Variants in PDE12 observed in about 807,000 individuals in gnomAD.
PDE12 encodes 2',5'-phosphodiesterase 12.
A neutral mutation model predicts 45.4 loss-of-function variants in PDE12; 26 were observed. The observed-to-expected ratio is 0.57, with a 90% CI of 0.42 to 0.79. The LOEUF (loss-of-function observed/expected upper bound fraction) is 0.79. Ranked by LOEUF, PDE12 falls within the 30% of genes least tolerant of loss-of-function variation. The probability of loss-of-function intolerance (pLI) is 0.00; values close to 1 mark genes in which losing one functional copy is unlikely to be tolerated. For synonymous variants in PDE12, 283 were observed against 323.9 expected (o/e 0.87, Z 1.36); for missense variants, 668 against 790.0 (o/e 0.85, Z 1.85).
the PDE12 span, among the ~76,000 whole-genome samples, chr3:57,651,598 C>T: frequency 1.2e-4 from 18 of 151,628 alleles, no homozygotes; most frequent in African/African-American, 4.4e-4. Context: ...GGTTGCACAA[C>T]TTTGTGAATA....
the PDE12 span, among the ~76,000 whole-genome samples, chr3:57,610,767 T>G: frequency 1.3e-5 from 2 of 152,164 alleles, no homozygotes; most frequent in Non-Finnish European, 2.9e-5. Flanking sequence ...CATTCCATGC[T>G]TATGGATAGG....
the PDE12 span, among the ~76,000 whole-genome samples, chr3:57,644,894 G>T: frequency 6.7e-6 from 1 of 148,870 alleles, no homozygotes; most frequent in Non-Finnish European, 1.5e-5. Context: ...GGGTATTGAT[G>T]ATCTGGCAAG....
chr3:57,580,931 T>C, the PDE12 span, among the ~76,000 whole-genome samples: 3 of 152,102 alleles, frequency 2.0e-5, no homozygotes, highest in African/African-American at 7.2e-5. Context: ...AAAATGCAAA[T>C]AATGCTATCA....
the PDE12 span, chr3:57,626,380 A>G: frequency 6.6e-6 from 1 of 152,244 alleles, no homozygotes; most frequent in Non-Finnish European, 1.5e-5. Context: ...AGACACAGCT[A>G]TTAACCACAT....
chr3:57,574,776 T>C, the PDE12 span, among the ~76,000 whole-genome samples: 1 of 152,042 alleles, frequency 6.6e-6, no homozygotes, highest in Non-Finnish European at 1.5e-5. Flanking sequence ...AGCGCTTTGG[T>C]AGGCTGAGAT....
At chr3:57,610,098 G>A in the PDE12 span, among the ~76,000 whole-genome samples, 3 of 152,062 alleles carry the variant, frequency 2.0e-5, no homozygotes, top group Non-Finnish European at 4.4e-5. Context: ...ATCAGTAAAC[G>A]TAATCCAGCA....
At chr3:57,611,730 A>G in the PDE12 span, among the ~76,000 whole-genome samples, 3 of 152,206 alleles carry the variant, frequency 2.0e-5, no homozygotes, top group Non-Finnish European at 4.4e-5. Flanking sequence ...AAACGTCAGG[A>G]AACAACAGGT....
At chr3:57,597,870 G>C in the PDE12 span, 1 of 152,272 alleles carries the variant, frequency 6.6e-6, no homozygotes, top group South Asian at 2.1e-4. Context: ...ATGAAGACCG[G>C]TCCGGTCTTT....
At chr3:57,641,070 T>C in the PDE12 span, among the ~76,000 whole-genome samples, 1 of 150,880 alleles carries the variant, frequency 6.6e-6, no homozygotes, top group East Asian at 1.9e-4. Flanking sequence ...ATTCTAGTTT[T>C]CTATAAGGTT....
chr3:57,595,591 T>G, the PDE12 span, among the ~76,000 whole-genome samples: 5 of 152,354 alleles, frequency 3.3e-5, no homozygotes, highest in Admixed American at 1.3e-4. Context: ...ACTGTTACTC[T>G]TTATATACCT....
the PDE12 span, among the ~76,000 whole-genome samples, chr3:57,592,621 AT>A: frequency 6.6e-6 from 1 of 152,200 alleles, no homozygotes; most frequent in Non-Finnish European, 1.5e-5. Flanking sequence ...TTATCAGTTA[AT>A]TAGCAGCAAA....
At chr3:57,570,219 G>GTTTTTTTTTTTTTTTTGTTTTTTTT (rs2069824322), downstream of PDE12, among the ~76,000 whole-genome samples, 1 of 102,314 alleles carries the variant, frequency 9.8e-6, no homozygotes, top group African/African-American at 3.9e-5. Flanking sequence ...TTAATCCAGT[G>GTTTTTTTTTTTTTTTTGTTTTTTTT]TTTTTTTTTT....
the PDE12 span, chr3:57,634,641 A>G: frequency 6.7e-7 from 1 of 1,491,424 alleles, no homozygotes; most frequent in Non-Finnish European, 9.0e-7. Flanking sequence ...AAAGAAAAGA[A>G]GGTAAACAAA....
chr3:57,638,065 C>T, the PDE12 span, among the ~76,000 whole-genome samples: 4 of 151,670 alleles, frequency 2.6e-5, no homozygotes, highest in South Asian at 2.1e-4. Flanking sequence ...ACCCAGGAGG[C>T]GAAGGTTGCA....
At chr3:57,639,399 T>C in the PDE12 span, among the ~76,000 whole-genome samples, 4 of 152,196 alleles carry the variant, frequency 2.6e-5, no homozygotes, top group Non-Finnish European at 5.9e-5. Flanking sequence ...TACCAATGAT[T>C]TTGTGCAAAA....
chr3:57,632,471 C>G, the PDE12 span, among the ~76,000 whole-genome samples: 1 of 152,008 alleles, frequency 6.6e-6, no homozygotes, highest in Admixed American at 6.6e-5. Flanking sequence ...GCCACTGTGC[C>G]CAGCCTAGTC....
At chr3:57,629,029 A>C in the PDE12 span, 5 of 570,776 alleles carry the variant, frequency 8.8e-6, no homozygotes, top group Non-Finnish European at 1.5e-5. Context: ...TTATAGTGCA[A>C]GAATAATTCT....
the PDE12 span, among the ~76,000 whole-genome samples, chr3:57,631,456 AGT>A: frequency 1.3e-5 from 2 of 151,882 alleles, no homozygotes; most frequent in South Asian, 4.2e-4. Context: ...AGCCTCCCAA[AGT>A]GCTGGGATTA....
chr3:57,615,858 G>T, the PDE12 span, among the ~76,000 whole-genome samples: 1 of 151,998 alleles, frequency 6.6e-6, no homozygotes, highest in African/African-American at 2.4e-5. Flanking sequence ...CCAAAACGTG[G>T]TTATTTGAGA....
Sources: gnomAD v4.1 joint callset for allele counts (sites outside exome capture counted in the v4.1 genomes callset) on GRCh38, gnomAD v4.1.1 for gene constraint, MANE v1.5 for transcripts, NCBI Gene and HGNC (gene_info 2026-07-23, HGNC 2026-07-21) for gene names.